Variants in PTCSC3 observed in about 807,000 individuals in gnomAD.
The protein encoded by PTCSC3 is papillary thyroid carcinoma susceptibility candidate 3.
intron 3 of PTCSC3, among the ~76,000 whole-genome samples, chr14:36,149,510 G>A (rs1044063754): frequency 6.6e-6 from 1 of 152,146 alleles, no homozygotes; most frequent in Non-Finnish European, 1.5e-5. Flanking sequence ...TGACAGTGCT[G>A]TTCAGTTCAA....
At chr14:36,139,577 CACA>C (rs1022947562) in intron 3 of PTCSC3, among the ~76,000 whole-genome samples, 52 of 152,254 alleles carry the variant, frequency 3.4e-4, no homozygotes, top group African/African-American at 1.2e-3. Context: ...AATACACACA[CACA>C]ACATGTGTAT....
intron 2 of PTCSC3, among the ~76,000 whole-genome samples, chr14:36,154,650 G>T (rs1309216076): frequency 6.6e-6 from 1 of 152,112 alleles, no homozygotes; most frequent in Admixed American, 6.6e-5. Flanking sequence ...GTCTGACTGG[G>T]GTTGTGTGGT....
At chr14:36,160,938 CTTTAAT>C (rs1464962021) in intron 2 of PTCSC3, among the ~76,000 whole-genome samples, 4 of 152,010 alleles carry the variant, frequency 2.6e-5, no homozygotes, top group Non-Finnish European at 4.4e-5. Flanking sequence ...ATTCTTTTTT[CTTTAAT>C]TTTGTCTTCA....
In PTCSC3 at chr14:36,150,961, C is replaced by T. The variant is rs149736029; in HGVS notation, n.322+2843G>A. ...TTTTTTAAAAAAACCTTCCTTTATA[C>T]CTTCTTTAACACTCTTCCTTTGTTC... On this transcript the variant is annotated intron_variant and non_coding_transcript_variant, in intron 3 of 3. Transcript: ENST00000556013. Among the ~76,000 whole-genome samples, 10 of 152,020 alleles carry T rather than the reference C, an allele frequency of 6.6e-5. No individual in the cohort carries two copies. In the East Asian group the frequency reaches 1.7e-3, roughly 26 times the overall value.
intron 3 of PTCSC3, among the ~76,000 whole-genome samples, chr14:36,142,116 G>T (rs1881436612): frequency 6.6e-6 from 1 of 152,182 alleles, no homozygotes; most frequent in Admixed American, 6.5e-5. Flanking sequence ...TAGGCAGAAA[G>T]CAACTAGTTT....
At chr14:36,156,941 G>C (rs1279884380) in intron 2 of PTCSC3, among the ~76,000 whole-genome samples, 2 of 152,148 alleles carry the variant, frequency 1.3e-5, no homozygotes, top group Non-Finnish European at 1.5e-5. Context: ...TAATAGGATT[G>C]CTGGGTCAAA....
chr14:36,170,473 C>T (rs1268595882), intron 1 of PTCSC3, among the ~76,000 whole-genome samples: 1 of 152,134 alleles, frequency 6.6e-6, no homozygotes, highest in African/African-American at 2.4e-5. Flanking sequence ...GTACTATATA[C>T]CATATTTTTT....
intron 2 of PTCSC3, among the ~76,000 whole-genome samples, chr14:36,161,361 T>C (rs999580825): frequency 3.9e-5 from 6 of 152,244 alleles, no homozygotes; most frequent in Admixed American, 2.0e-4. Flanking sequence ...TGTGGATTTA[T>C]CTACCTTTGG....
intron 3 of PTCSC3, among the ~76,000 whole-genome samples, chr14:36,145,968 G>A (rs1218705956): frequency 7.9e-5 from 12 of 151,374 alleles, no homozygotes; most frequent in Admixed American, 2.0e-4. Flanking sequence ...GTAGTTGAGC[G>A]GTTTTGAGTA....
At chr14:36,159,238 T>C (rs75881798) in intron 2 of PTCSC3, among the ~76,000 whole-genome samples, 88,603 of 146,658 alleles carry the variant, frequency 0.6, 27,711 homozygotes, top group Non-Finnish European at 0.68. Context: ...TTTTGCGTCT[T>C]TATTTCCTTC....
chr14:36,149,110 TC>T (rs1227417226), intron 3 of PTCSC3, among the ~76,000 whole-genome samples: 1 of 152,108 alleles, frequency 6.6e-6, no homozygotes, highest in African/African-American at 2.4e-5. Context: ...AGGTCTTTCT[TC>T]TTTTCTAATA....
chr14:36,146,835 G>A (rs1412117421), intron 3 of PTCSC3, among the ~76,000 whole-genome samples: 3 of 152,148 alleles, frequency 2.0e-5, no homozygotes, highest in Non-Finnish European at 4.4e-5. Flanking sequence ...GCTTCCTTCA[G>A]GAGCTCTTTT....
intron 2 of PTCSC3, among the ~76,000 whole-genome samples, chr14:36,158,047 G>C (rs1881867899): frequency 6.6e-6 from 1 of 151,630 alleles, no homozygotes; most frequent in African/African-American, 2.4e-5. Context: ...CTCGTGATTT[G>C]GCTGTTTTTC....
At chr14:36,154,916 A>T (rs901810973) in intron 2 of PTCSC3, among the ~76,000 whole-genome samples, 2 of 152,116 alleles carry the variant, frequency 1.3e-5, no homozygotes, top group African/African-American at 4.8e-5. Context: ...AAATGAAGGA[A>T]TTTTTTCTGT....
intron 3 of PTCSC3, among the ~76,000 whole-genome samples, chr14:36,146,654 C>T (rs576986231): frequency 2.6e-3 from 400 of 152,284 alleles, no homozygotes; most frequent in Admixed American, 4.2e-3. Context: ...AGCATTTAGT[C>T]CGTTTACATT....
intron 2 of PTCSC3, among the ~76,000 whole-genome samples, chr14:36,161,373 C>T (rs987741728): frequency 2.6e-5 from 4 of 152,114 alleles, no homozygotes; most frequent in African/African-American, 9.7e-5. Context: ...TACCTTTGGT[C>T]TTTGATGCTG....
intron 1 of PTCSC3, among the ~76,000 whole-genome samples, chr14:36,163,431 A>T (rs1301702784): frequency 1.3e-5 from 2 of 152,182 alleles, no homozygotes; most frequent in Non-Finnish European, 2.9e-5. Context: ...GAGGAAAAAA[A>T]AAGAACAAAG....
intron 3 of PTCSC3, among the ~76,000 whole-genome samples, chr14:36,140,856 A>G (rs1594443399): frequency 6.6e-6 from 1 of 152,170 alleles, no homozygotes; most frequent in African/African-American, 2.4e-5. Flanking sequence ...AGAAGTTAAC[A>G]TTTTGAATTT....
intron 3 of PTCSC3, among the ~76,000 whole-genome samples, chr14:36,147,415 A>C (rs1339856469): frequency 6.6e-6 from 1 of 151,726 alleles, no homozygotes; most frequent in African/African-American, 2.4e-5. Context: ...CATTCATTTC[A>C]TCTTCCATTG....
Sources: gnomAD v4.1 joint callset for allele counts (sites outside exome capture counted in the v4.1 genomes callset) on GRCh38, gnomAD v4.1.1 for gene constraint, MANE v1.5 for transcripts, NCBI Gene and HGNC (gene_info 2026-07-23, HGNC 2026-07-21) for gene names.